ASAP1: variants seen among roughly 807,000 people sequenced by gnomAD.
ASAP1 encodes the protein arf-GAP with SH3 domain, ANK repeat and PH domain-containing protein 1.
Under a neutral mutation model 145.2 loss-of-function variants are expected in ASAP1, and 43 were observed. That is an observed-to-expected ratio of 0.30 (90% CI 0.23 to 0.38). The LOEUF (loss-of-function observed/expected upper bound fraction) is 0.38. Ranked by LOEUF, ASAP1 falls within the 10% of genes least tolerant of loss-of-function variation. ASAP1 has a pLI of 1.00. For synonymous variants in ASAP1, 546 were observed against 515.5 expected, an observed-to-expected ratio of 1.06 and a Z score of -0.80; for missense variants, 1,018 against 1,355.3, an observed-to-expected ratio of 0.75 and a Z score of 3.91.
intron 3 of ASAP1, among the ~76,000 whole-genome samples, chr8:130,357,548 G>T (rs570810551): frequency 1.9e-3 from 293 of 152,326 alleles, no homozygotes; most frequent in Non-Finnish European, 3.3e-3. Context: ...AACGGCCCTC[G>T]TCTCCGCAGC....
intron 5 of ASAP1, among the ~76,000 whole-genome samples, chr8:130,211,089 A>G (rs1816551980): frequency 6.6e-6 from 1 of 152,140 alleles, no homozygotes. Flanking sequence ...TGGGACCAAA[A>G]CCCATGATCC....
intron 13 of ASAP1, among the ~76,000 whole-genome samples, chr8:130,137,552 T>G (rs1253049144): frequency 6.6e-6 from 1 of 152,204 alleles, no homozygotes; most frequent in Non-Finnish European, 1.5e-5. Context: ...ATGACCCCGG[T>G]AATCAATCAT....
intron 2 of ASAP1, among the ~76,000 whole-genome samples, chr8:130,387,658 GA>G (rs35915232): frequency 0.15 from 16,097 of 107,422 alleles, 917 homozygotes; most frequent in South Asian, 0.33. Flanking sequence ...CTCCATCTCA[GA>G]AAAAAAAAAA....
chr8:130,194,690 A>T (rs887911814), intron 5 of ASAP1, among the ~76,000 whole-genome samples: 8 of 152,192 alleles, frequency 5.3e-5, no homozygotes, highest in African/African-American at 1.9e-4. Context: ...TCTCATAAAG[A>T]GTGTTCAACC....
rs1020660559 is a variant in ASAP1 at position 130,118,323 on chromosome 8, C to A, written c.1795-77G>T. The A allele has an allele frequency of 2.7e-6, 4 of 1,454,900 alleles. No individual in the cohort carries two copies. The African/African-American group carries it at 5.6e-5, about 21-fold the overall frequency. 90.1% of individuals were successfully genotyped at this position (1,454,900 alleles called of 1,614,324 possible). On this transcript the variant is annotated intron_variant, in intron 19 of 29. Transcript: ENST00000518721. ...GAGGCTTCATATATATCAGTTGCCCCCAAGTAATTATAAGGAGCACACCTC... is the reference window on the plus strand; with the variant it reads ...GAGGCTTCATATATATCAGTTGCCCACAAGTAATTATAAGGAGCACACCTC...
chr8:130,206,210 T>TACCTGGG (rs1816209730), intron 5 of ASAP1, among the ~76,000 whole-genome samples: 2 of 152,140 alleles, frequency 1.3e-5, no homozygotes, highest in African/African-American at 2.4e-5. Context: ...GGATACCTGG[T>TACCTGGG]AGATCAAACG....
intron 5 of ASAP1, among the ~76,000 whole-genome samples, chr8:130,197,128 A>C (rs528207026): frequency 2.6e-5 from 4 of 152,328 alleles, no homozygotes; most frequent in Admixed American, 2.0e-4. Context: ...CAGTGGATCG[A>C]GACAGAACTG....
intron 1 of ASAP1, among the ~76,000 whole-genome samples, chr8:130,408,725 A>T (rs988944010): frequency 6.6e-6 from 1 of 152,194 alleles, no homozygotes; most frequent in African/African-American, 2.4e-5. Flanking sequence ...AAATCCTACA[A>T]GGAACTTTGC....
At chr8:130,262,687 TAA>T (rs899440070) in intron 3 of ASAP1, among the ~76,000 whole-genome samples, 1 of 152,180 alleles carries the variant, frequency 6.6e-6, no homozygotes, top group Non-Finnish European at 1.5e-5. Flanking sequence ...AAAATATTTA[TAA>T]AATAGGCTCC....
At chr8:130,065,348 C>T (rs1185673955) in intron 27 of ASAP1, among the ~76,000 whole-genome samples, 3 of 152,170 alleles carry the variant, frequency 2.0e-5, no homozygotes, top group Non-Finnish European at 4.4e-5. Context: ...CTGTTGGCCT[C>T]CACGGGTTTA....
intron 1 of ASAP1, among the ~76,000 whole-genome samples, chr8:130,441,427 G>A (rs140938739): frequency 8.9e-4 from 135 of 152,284 alleles, no homozygotes; most frequent in African/African-American, 3.1e-3. Flanking sequence ...AAGACCTTCC[G>A]GAGCCCATGC....
In ASAP1 at chr8:130,197,424, T is replaced by C. The variant is rs1815572575; in HGVS notation, c.406-9241A>G. Among the ~76,000 whole-genome samples the C allele has an allele frequency of 2.0e-5, 3 of 152,194 alleles. No individual in the cohort carries two copies. The South Asian group carries it at 6.2e-4, about 32-fold the overall frequency. On this transcript the variant is annotated intron_variant, in intron 5 of 29. Coordinates refer to ENST00000518721, the MANE Select transcript of ASAP1 (RefSeq NM_018482.4). ...AGCCTGGGCAACAGAATGAGACCTT[T>C]TGAGACAGAACAGACTGTCTCAAAA...
chr8:130,443,030 C>T (rs1830540793), intron 1 of ASAP1, among the ~76,000 whole-genome samples: 1 of 152,084 alleles, frequency 6.6e-6, no homozygotes, highest in African/African-American at 2.4e-5. Flanking sequence ...GGCCGGGGGC[C>T]GCGGGGAACT....
intron 5 of ASAP1, among the ~76,000 whole-genome samples, chr8:130,211,715 T>C (rs1816593665): frequency 6.6e-6 from 1 of 152,230 alleles, no homozygotes; most frequent in Non-Finnish European, 1.5e-5. Flanking sequence ...AATACTTAAT[T>C]AGAAAATGAC....
intron 13 of ASAP1, among the ~76,000 whole-genome samples, chr8:130,137,936 C>G (rs184639116): frequency 6.6e-6 from 1 of 152,162 alleles, no homozygotes; most frequent in African/African-American, 2.4e-5. Context: ...GTTTGAGTGC[C>G]CAGGCTGGGC....
chr8:130,087,418 A>G (rs2097496022), intron 25 of ASAP1, among the ~76,000 whole-genome samples: 1 of 152,000 alleles, frequency 6.6e-6, no homozygotes, highest in Non-Finnish European at 1.5e-5. Flanking sequence ...TATTCGGGAG[A>G]CTGAGGCAGG....
rs759352743 is a variant in ASAP1 at position 130,057,964 on chromosome 8, T to C, written c.3305A>G (p.Gln1102Arg). 3 of 1,614,248 alleles carry C rather than the reference T, an allele frequency of 1.9e-6. No individual in the cohort carries two copies. ...EVIIVTGEED[Q>R]EWWIGHIEGQ... ...GATATTCGTACGTACCCACCACTCC[T>C]GGTCCTCTTCCCCTGTGACGATAAT... is the stretch of plus-strand genomic sequence containing the variant. The change falls in exon 29 of 30, where the codon CAG becomes CGG. Residue 1102 changes from glutamine to arginine, a missense_variant. Around this residue, in one of 9 missense-constraint regions of ASAP1, gnomAD observed 62 missense variants for 97.8 expected, o/e 0.63. Transcript: ENST00000518721.
intron 2 of ASAP1, among the ~76,000 whole-genome samples, chr8:130,366,886 C>CTTTTTTTT (rs905755447): frequency 7.1e-5 from 7 of 99,194 alleles, no homozygotes; most frequent in African/African-American, 8.1e-5. Flanking sequence ...TGCTAGATTC[C>CTTTTTTTT]TTTTTTTTTT....
intron 25 of ASAP1, among the ~76,000 whole-genome samples, chr8:130,087,754 C>T (rs1191044774): frequency 2.6e-5 from 4 of 152,126 alleles, no homozygotes; most frequent in Non-Finnish European, 4.4e-5. Flanking sequence ...GTTAGGCAAG[C>T]GATCAGCGTG....
Sources: allele counts gnomAD v4.1 joint callset (sites outside exome capture counted in the v4.1 genomes callset), GRCh38; gene constraint gnomAD v4.1.1; regional missense constraint gnomAD v4.1.1; transcripts MANE v1.5; gene names NCBI Gene and HGNC (gene_info 2026-07-23, HGNC 2026-07-21).